The following DYM variants were observed in gnomAD, a reference collection of about 807,000 sequenced individuals.
The protein encoded by DYM is dymeclin, also known as dyggve-Melchior-Clausen syndrome protein.
DYM carries 78 observed loss-of-function variants against 93.1 expected under a neutral mutation model. That is an observed-to-expected ratio of 0.84 (90% CI 0.70 to 1.01). The LOEUF is 1.01. DYM is among the 50% of genes least tolerant of loss of function. DYM has a pLI of 0.00. For missense variants in DYM, 789 were observed against 845.0 expected (o/e 0.93, Z 0.82); for synonymous variants, 321 against 319.7 (o/e 1.00, Z -0.04).
At chr18:49,347,807 C>G (rs562961369) in intron 6 of DYM, among the ~76,000 whole-genome samples, 3 of 152,322 alleles carry the variant, frequency 2.0e-5, no homozygotes, top group African/African-American at 7.2e-5. Context: ...TTCTACCATG[C>G]TGAGTGTGGT....
At chr18:49,132,985 ATAAAATAT>A (rs2083509169) in intron 15 of DYM, among the ~76,000 whole-genome samples, 2 of 152,252 alleles carry the variant, frequency 1.3e-5, no homozygotes, top group African/African-American at 4.8e-5. Context: ...TTTACCAAAG[ATAAAATAT>A]TAAAATATGT....
intron 8 of DYM, among the ~76,000 whole-genome samples, chr18:49,319,170 AC>A (rs1368012664): frequency 1.3e-5 from 2 of 152,218 alleles, no homozygotes; most frequent in Non-Finnish European, 2.9e-5. Flanking sequence ...TCAAACAGTT[AC>A]TATTGAAGAC....
intron 17 of DYM, among the ~76,000 whole-genome samples, chr18:49,085,606 C>CTT (rs11437833): frequency 0.053 from 5,452 of 101,996 alleles, 375 homozygotes; most frequent in East Asian, 0.18. Context: ...ACAACTGGTC[C>CTT]TTTTTTTTTT....
chr18:49,337,151 G>A (rs552284628), intron 6 of DYM, among the ~76,000 whole-genome samples: 1 of 152,238 alleles, frequency 6.6e-6, no homozygotes, highest in East Asian at 1.9e-4. Context: ...ATAGCAAAGA[G>A]GAAGAAGAAT....
intron 14 of DYM, among the ~76,000 whole-genome samples, chr18:49,170,408 G>A (rs1279478598): frequency 1.3e-5 from 2 of 152,164 alleles, no homozygotes; most frequent in African/African-American, 2.4e-5. Context: ...AGAGAGGGGA[G>A]GAGAAATTTT....
intron 5 of DYM, among the ~76,000 whole-genome samples, chr18:49,364,278 C>T (rs2066310297): frequency 1.3e-5 from 2 of 152,108 alleles, no homozygotes; most frequent in East Asian, 3.9e-4. Flanking sequence ...AACCCCACCT[C>T]TAATAAAAAT....
In DYM at chr18:49,209,705, G is replaced by A. The variant is rs982066539; in HGVS notation, c.1471C>T (p.Arg491Cys). ...AAQRIISYTC[R>C]HLRRYVYVLD... ...ACATAAACATATCTCCGCAAGTGGC[G>A]GCAGGTATAACTGAAAGACAAAGGT... Residue 491 changes from arginine to cysteine, a missense_variant, in exon 14 of 18, where the codon CGC (arginine) becomes TGC (cysteine). Transcript: ENST00000675505. 1.0e-5 allele frequency: 13 copies of A among 1,277,148 alleles called. No homozygotes were observed. Among genetic ancestry groups the A allele is most frequent in the African/African-American group, 1.5e-5 (1 of 65,554 alleles). The allele number at this position is 1,277,148 out of a possible 1,614,324, so 79.1% of individuals were successfully genotyped here. A position where few individuals can be genotyped will look rare whatever the true frequency, so the allele number is the denominator to read the frequency against.
At position 49,110,901 on chromosome 18, in the gene DYM, C is replaced by T. The variant is rs140313768; in HGVS notation, c.1911+7843G>A. On this transcript the variant is annotated intron_variant, in intron 16 of 17. Transcript: ENST00000675505. Reference sequence around the variant, plus strand: ...AGGTTCTCATTTTTCACATGTTTTTCTTATTGTATTTATTTGCATAATTTC... The same window carrying T: ...AGGTTCTCATTTTTCACATGTTTTTTTTATTGTATTTATTTGCATAATTTC... Among the ~76,000 whole-genome samples the T allele has an allele frequency of 7.2e-5, 11 of 152,132 alleles. No homozygotes were observed. The East Asian group carries it at 2.1e-3, about 29-fold the overall frequency.
chr18:49,102,254 G>A (rs2080242028), intron 16 of DYM, among the ~76,000 whole-genome samples: 1 of 152,128 alleles, frequency 6.6e-6, no homozygotes, highest in African/African-American at 2.4e-5. Flanking sequence ...CTTATTTAAG[G>A]CTGTAAATTT....
At chr18:49,391,763 C>T (rs2069284643) in intron 2 of DYM, 118 bp from the exon 3 acceptor site, 2 of 782,836 alleles carry the variant, frequency 2.6e-6, no homozygotes, top group Admixed American at 2.7e-5. Flanking sequence ...ATATGGTGCA[C>T]AGTAGTGAAC....
At chr18:49,385,016 A>G (rs1352651157) in intron 3 of DYM, among the ~76,000 whole-genome samples, 3 of 152,082 alleles carry the variant, frequency 2.0e-5, no homozygotes, top group African/African-American at 7.2e-5. Context: ...GAGAAAAAGC[A>G]TAATGAGAAA....
chr18:49,100,958 G>C (rs1217413864), intron 16 of DYM, among the ~76,000 whole-genome samples: 1 of 152,208 alleles, frequency 6.6e-6, no homozygotes, highest in African/African-American at 2.4e-5. Context: ...AAAGGTGTAA[G>C]TTGTTCAGCC....
At chr18:49,438,665 C>T (rs2081064792) in intron 1 of DYM, among the ~76,000 whole-genome samples, 2 of 152,108 alleles carry the variant, frequency 1.3e-5, no homozygotes, top group African/African-American at 4.8e-5. Context: ...CAGGAAGCAA[C>T]AACAGGGTGC....
chr18:49,317,096 T>C (rs894151676), intron 8 of DYM, among the ~76,000 whole-genome samples: 2 of 152,218 alleles, frequency 1.3e-5, no homozygotes, highest in Non-Finnish European at 2.9e-5. Flanking sequence ...TTGTCAACTG[T>C]CACAAATGTA....
chr18:49,302,623 T>C (rs1391054673), intron 8 of DYM, among the ~76,000 whole-genome samples: 1 of 151,706 alleles, frequency 6.6e-6, no homozygotes, highest in Non-Finnish European at 1.5e-5. Flanking sequence ...GGGGGACGAG[T>C]GAAAGAAGAG....
chr18:49,444,313 T>C (rs1753965514), intron 1 of DYM, among the ~76,000 whole-genome samples: 1 of 152,162 alleles, frequency 6.6e-6, no homozygotes, highest in Non-Finnish European at 1.5e-5. Context: ...ATGGCAGAGT[T>C]TTACTGAAAT....
intron 3 of DYM, 115 bp from the exon 4 acceptor site, chr18:49,379,873 T>A (rs2067876520): frequency 1.3e-6 from 1 of 792,866 alleles, no homozygotes; most frequent in East Asian, 2.6e-5. Flanking sequence ...TGACCAACTT[T>A]ACTGTTAATT....
chr18:49,160,134 C>T (rs146260094), intron 15 of DYM, among the ~76,000 whole-genome samples: 3 of 152,276 alleles, frequency 2.0e-5, no homozygotes, highest in African/African-American at 7.2e-5. Flanking sequence ...AAAGCCAAGT[C>T]AATGGAACTT....
At chr18:49,253,062 T>C (rs1035040477) in intron 13 of DYM, among the ~76,000 whole-genome samples, 1 of 152,216 alleles carries the variant, frequency 6.6e-6, no homozygotes, top group African/African-American at 2.4e-5. Flanking sequence ...CTTACATTTA[T>C]GTCCAGCTAA....
Sources: allele counts gnomAD v4.1 joint callset (sites outside exome capture counted in the v4.1 genomes callset), GRCh38; gene constraint gnomAD v4.1.1; transcripts MANE v1.5; gene names NCBI Gene and HGNC (gene_info 2026-07-23, HGNC 2026-07-21).